The following TBL1X variants were observed in gnomAD, a reference collection of about 807,000 sequenced individuals.
TBL1X encodes the protein F-box-like/WD repeat-containing protein TBL1X.
A neutral mutation model predicts 50.7 loss-of-function variants in TBL1X; 10 were observed. That is an observed-to-expected ratio of 0.20 (90% CI 0.12 to 0.33). The LOEUF is 0.33. Ranked by LOEUF, TBL1X falls within the 10% of genes least tolerant of loss-of-function variation. TBL1X has a pLI of 1.00. For missense variants in TBL1X, 340 were observed against 504.4 expected (o/e 0.67, Z 3.12); for synonymous variants, 190 against 214.7 (o/e 0.88, Z 1.01).
chrX:9,581,544 G>A (rs1320614968), intron 2 of TBL1X, among the ~76,000 whole-genome samples: 1 of 111,921 alleles, frequency 8.9e-6, no homozygotes, highest in Non-Finnish European at 1.9e-5. Context: ...CAGTAGCTGT[G>A]TGGGGGATGC....
At chrX:9,553,117 T>C (rs754221968) in intron 2 of TBL1X, among the ~76,000 whole-genome samples, 27 of 110,992 alleles carry the variant, frequency 2.4e-4, no homozygotes, top group South Asian at 3.9e-4. Context: ...CACTCCAGCC[T>C]GGGCAACAGA....
intron 6 of TBL1X, among the ~76,000 whole-genome samples, chrX:9,684,635 G>A (rs1223924941): frequency 1.1e-5 from 1 of 91,430 alleles, no homozygotes; most frequent in African/African-American, 4.1e-5. Flanking sequence ...AAGAAAGTAA[G>A]TTGGGTTCTT....
chrX:9,553,694 C>G (rs2082281667), intron 2 of TBL1X, among the ~76,000 whole-genome samples: 1 of 111,946 alleles, frequency 8.9e-6, no homozygotes. Flanking sequence ...TTTCATTGAT[C>G]TGATTCTACT....
intron 2 of TBL1X, among the ~76,000 whole-genome samples, chrX:9,626,405 C>G (rs17321022): frequency 0.055 from 6,090 of 111,506 alleles, 177 homozygotes; most frequent in Middle Eastern, 0.089. Context: ...ATAGTAGACA[C>G]GGAAGTCTTT....
intron 2 of TBL1X, among the ~76,000 whole-genome samples, chrX:9,612,211 G>T (rs1208999265): frequency 8.9e-6 from 1 of 112,175 alleles, no homozygotes; most frequent in Non-Finnish European, 1.9e-5. Context: ...GGGAAGAAAA[G>T]ATGTTATGGG....
intron 2 of TBL1X, among the ~76,000 whole-genome samples, chrX:9,613,993 A>AG (rs1252858480): frequency 9.2e-6 from 1 of 108,784 alleles, no homozygotes; most frequent in Admixed American, 9.8e-5. Context: ...CTCAAAAAAA[A>AG]AAAAAAAAAA....
At chrX:9,574,402 C>G (rs1182838023) in intron 2 of TBL1X, among the ~76,000 whole-genome samples, 1 of 101,332 alleles carries the variant, frequency 9.9e-6, no homozygotes, top group Non-Finnish European at 2.0e-5. Context: ...TACAAGTGAG[C>G]CATGATCATA....
chrX:9,483,401 T>TA (rs757001446), intron 1 of TBL1X, among the ~76,000 whole-genome samples: 2 of 112,372 alleles, frequency 1.8e-5, no homozygotes, highest in South Asian at 7.5e-4. Context: ...TCAAACCCTT[T>TA]AGAAGTATTC....
chrX:9,595,136 G>A (rs2082521215), intron 2 of TBL1X, among the ~76,000 whole-genome samples: 3 of 111,976 alleles, frequency 2.7e-5, no homozygotes, highest in Admixed American at 1.9e-4. Flanking sequence ...GTGGACCCCG[G>A]CTCCTCCCCA....
At chrX:9,507,214 T>A (rs900705246) in intron 2 of TBL1X, among the ~76,000 whole-genome samples, 3 of 112,192 alleles carry the variant, frequency 2.7e-5, no homozygotes, top group African/African-American at 9.7e-5. Flanking sequence ...CCCAAAAACT[T>A]CTTGAACTGA....
chrX:9,641,127 T>A (rs2082773953), intron 3 of TBL1X, among the ~76,000 whole-genome samples: 1 of 112,313 alleles, frequency 8.9e-6, no homozygotes, highest in African/African-American at 3.2e-5. Flanking sequence ...GCTTTATCAG[T>A]TTCTTAATAT....
intron 5 of TBL1X, among the ~76,000 whole-genome samples, chrX:9,681,159 C>G (rs1229958253): frequency 8.9e-6 from 1 of 112,142 alleles, no homozygotes; most frequent in Admixed American, 9.4e-5. Context: ...TTAGACTGAG[C>G]TTTGCACACC....
chrX:9,685,278 C>T (rs191810836), intron 6 of TBL1X, among the ~76,000 whole-genome samples: 129 of 111,814 alleles, frequency 1.2e-3, no homozygotes, highest in African/African-American at 3.9e-3. Context: ...CCTTTCTTGC[C>T]GCCTTCACCT....
chrX:9,583,877 A>G (rs2082454730), intron 2 of TBL1X, among the ~76,000 whole-genome samples: 1 of 112,411 alleles, frequency 8.9e-6, no homozygotes, highest in Non-Finnish European at 1.9e-5. Context: ...TGATACATGA[A>G]GAACTCCTAT....
chrX:9,689,722 C>T (rs1601841575), intron 7 of TBL1X, among the ~76,000 whole-genome samples: 1 of 112,753 alleles, frequency 8.9e-6, no homozygotes, highest in African/African-American at 3.2e-5. Flanking sequence ...CTGGAGTTAC[C>T]AGGCCCCCTG....
At chrX:9,628,448 A>G (rs1406105431) in intron 2 of TBL1X, among the ~76,000 whole-genome samples, 3 of 112,445 alleles carry the variant, frequency 2.7e-5, no homozygotes, top group Non-Finnish European at 5.6e-5. Context: ...TAATTTTAAT[A>G]GCAACTTAAA....
At chrX:9,676,658 G>A (rs186918964) in intron 5 of TBL1X, among the ~76,000 whole-genome samples, 1 of 111,852 alleles carries the variant, frequency 8.9e-6, no homozygotes, top group East Asian at 2.8e-4. Context: ...CAGGTCTGCA[G>A]CGCATAAAAA....
intron 2 of TBL1X, among the ~76,000 whole-genome samples, chrX:9,609,619 T>C (rs756302036): frequency 4.5e-5 from 5 of 110,977 alleles, no homozygotes; most frequent in Non-Finnish European, 7.5e-5. Context: ...TAGGATAAAT[T>C]GCTGGAAATA....
At chrX:9,476,452 T>G (rs1427261202) in intron 1 of TBL1X, among the ~76,000 whole-genome samples, 2 of 112,688 alleles carry the variant, frequency 1.8e-5, no homozygotes, top group Non-Finnish European at 3.8e-5. Flanking sequence ...ATCATTTGCT[T>G]ATTTGCCATC....
Sources: allele counts gnomAD v4.1 joint callset (sites outside exome capture counted in the v4.1 genomes callset), GRCh38; gene constraint gnomAD v4.1.1; transcripts MANE v1.5; gene names NCBI Gene and HGNC (gene_info 2026-07-23, HGNC 2026-07-21).